Variants in SLC8A3 observed in about 807,000 individuals in gnomAD.
SLC8A3 encodes sodium/calcium exchanger 3.
In SLC8A3, 37 loss-of-function variants were observed where a neutral mutation model predicts 65.4. That is an observed-to-expected ratio of 0.57 (90% CI 0.44 to 0.74). SLC8A3 has a LOEUF of 0.74. Ranked by LOEUF, SLC8A3 falls within the 30% of genes least tolerant of loss-of-function variation. The pLI is 0.00. For missense variants in SLC8A3, 1,112 were observed against 1,172.1 expected (o/e 0.95, Z 0.75); for synonymous variants, 461 against 444.5 (o/e 1.04, Z -0.47).
At chr14:70,140,162 C>A (rs556569261) in intron 2 of SLC8A3, among the ~76,000 whole-genome samples, 2 of 152,270 alleles carry the variant, frequency 1.3e-5, no homozygotes, top group East Asian at 3.9e-4. Flanking sequence ...ATTCTGATGT[C>A]ATTAAGGTAT....
chr14:70,089,686 G>T (rs1209741563), intron 2 of SLC8A3, among the ~76,000 whole-genome samples: 3 of 151,774 alleles, frequency 2.0e-5, no homozygotes, highest in Non-Finnish European at 4.4e-5. Context: ...CTGTGTAGAT[G>T]ATGTGTTTAA....
intron 2 of SLC8A3, among the ~76,000 whole-genome samples, chr14:70,062,350 G>C (rs775527412): frequency 1.3e-5 from 2 of 152,102 alleles, no homozygotes; most frequent in Non-Finnish European, 2.9e-5. Context: ...ACATAAAAAC[G>C]TTTTGCTCAA....
At chr14:70,058,094 C>T (rs889117748) in intron 3 of SLC8A3, among the ~76,000 whole-genome samples, 3 of 152,212 alleles carry the variant, frequency 2.0e-5, no homozygotes, top group African/African-American at 7.2e-5. Flanking sequence ...TTAATCTCAA[C>T]TCTGAAGTCT....
At chr14:70,105,390 C>T (rs1285001709) in intron 2 of SLC8A3, among the ~76,000 whole-genome samples, 1 of 151,968 alleles carries the variant, frequency 6.6e-6, no homozygotes, top group Non-Finnish European at 1.5e-5. Context: ...AGCAAGACTT[C>T]TTTAAAAAAG....
rs766331637 is a variant in SLC8A3, at chr14:70,167,579, G to T, written c.844C>A (p.Pro282Thr). Reference protein sequence around the residue: ...GIIIETEGDHPKGIEMDGKMM... With the variant: ...GIIIETEGDHTKGIEMDGKMM... ...TTCCCATCCATCTCAATGCCCTTAG[G>T]GTGGTCACCCTCTGTCTCTATGATA... is the stretch of plus-strand genomic sequence containing the variant. The change falls in exon 2 of 7, where the codon CCT becomes ACT. Residue 282 changes from proline to threonine, a missense_variant. Physicochemically the swap from Pro to Thr is conservative, Grantham distance 38. Coordinates refer to ENST00000356921, the MANE Select transcript of SLC8A3 (RefSeq NM_182932.3). 1.9e-6 allele frequency: 3 copies of T among 1,614,032 alleles called. No individual in the cohort carries two copies. In the Admixed American group the frequency reaches 5.0e-5, roughly 27 times the overall value.
intron 1 of SLC8A3, among the ~76,000 whole-genome samples, chr14:70,173,839 G>A (rs1897700627): frequency 6.6e-6 from 1 of 152,214 alleles, no homozygotes; most frequent in African/African-American, 2.4e-5. Flanking sequence ...AGAGACACAG[G>A]AATGAAGCTC....
At chr14:70,153,626 CT>C (rs1192976419) in intron 2 of SLC8A3, among the ~76,000 whole-genome samples, 1 of 152,190 alleles carries the variant, frequency 6.6e-6, no homozygotes, top group Non-Finnish European at 1.5e-5. Flanking sequence ...GGGACTGTGC[CT>C]TTCTTCCCTG....
intron 2 of SLC8A3, among the ~76,000 whole-genome samples, chr14:70,143,705 G>A (rs575211266): frequency 6.6e-6 from 1 of 152,244 alleles, no homozygotes; most frequent in South Asian, 2.1e-4. Flanking sequence ...AGAATGGTTT[G>A]GTTGTGCACC....
intron 2 of SLC8A3, among the ~76,000 whole-genome samples, chr14:70,105,617 A>G (rs1026614895): frequency 6.6e-6 from 1 of 152,228 alleles, no homozygotes; most frequent in African/African-American, 2.4e-5. Context: ...CCCCCAAGGA[A>G]GCTCTAAGTC....
At chr14:70,071,652 C>A (rs1245620510) in intron 2 of SLC8A3, among the ~76,000 whole-genome samples, 1 of 152,174 alleles carries the variant, frequency 6.6e-6, no homozygotes, top group African/African-American at 2.4e-5. Context: ...TGGCCAACAC[C>A]TTGATTTCAG....
At chr14:70,064,156 T>C (rs561920240) in intron 2 of SLC8A3, among the ~76,000 whole-genome samples, 1 of 152,202 alleles carries the variant, frequency 6.6e-6, no homozygotes, top group Non-Finnish European at 1.5e-5. Flanking sequence ...ATTTGAAGAC[T>C]GAAAAGAAAG....
chr14:70,149,936 C>T (rs1896158954), intron 2 of SLC8A3, among the ~76,000 whole-genome samples: 1 of 152,208 alleles, frequency 6.6e-6, no homozygotes, highest in African/African-American at 2.4e-5. Context: ...TGTTCCCTGA[C>T]ATCATCAAAG....
intron 2 of SLC8A3, among the ~76,000 whole-genome samples, chr14:70,069,788 A>T (rs377508837): frequency 5.3e-5 from 8 of 152,214 alleles, no homozygotes; most frequent in East Asian, 3.8e-4. Context: ...CTTTAAAATA[A>T]GTGTGTCATC....
chr14:70,096,905 A>C (rs950032993), intron 2 of SLC8A3, among the ~76,000 whole-genome samples: 6 of 152,236 alleles, frequency 3.9e-5, no homozygotes, highest in Non-Finnish European at 5.9e-5. Context: ...AGAGATAAAC[A>C]AAGATAAACA....
At position 70,083,115 on chromosome 14, in the gene SLC8A3, A is replaced by C. The variant is rs576381746; in HGVS notation, c.1785-22176T>G. Among the ~76,000 whole-genome samples, 17 of 152,264 alleles carry C rather than the reference A, an allele frequency of 1.1e-4. No homozygotes were observed. In the South Asian group the frequency reaches 3.5e-3, roughly 32 times the overall value. On this transcript the variant is annotated intron_variant, in intron 2 of 6. Coordinates refer to ENST00000356921, the MANE Select transcript of SLC8A3 (RefSeq NM_182932.3). ...TTTAGGCTCCACATGATTAGTTTCT[A>C]CTGTTCCACTTTGGAGACTGACCTA...
chr14:70,050,390 TG>T lies in SLC8A3; in HGVS notation c.2113+617del, dbSNP rs565388232. Among the ~76,000 whole-genome samples the T allele has an allele frequency of 2.8e-4, 43 of 152,220 alleles. 1 individual carries two copies. In the South Asian group the frequency reaches 7.1e-3, roughly 25 times the overall value. ...AAAAGACAAGGCCAGGAGGCCTCAGTGGTGCTGAGAGGTGATAGTGATGGTG... is the reference window on the plus strand; with the variant it reads ...AAAAGACAAGGCCAGGAGGCCTCAGTGTGCTGAGAGGTGATAGTGATGGTG... On this transcript the variant is annotated intron_variant, in intron 5 of 6. Coordinates refer to ENST00000356921, the MANE Select transcript of SLC8A3 (RefSeq NM_182932.3).
intron 1 of SLC8A3, among the ~76,000 whole-genome samples, chr14:70,174,414 T>C (rs1897738617): frequency 6.6e-6 from 1 of 152,132 alleles, no homozygotes; most frequent in African/African-American, 2.4e-5. Context: ...AGATGATCGC[T>C]ATAGTTCCTT....
At chr14:70,128,578 A>G (rs1894629148) in intron 2 of SLC8A3, among the ~76,000 whole-genome samples, 1 of 152,182 alleles carries the variant, frequency 6.6e-6, no homozygotes. Flanking sequence ...CCATTCTCTT[A>G]GAGTGGTTGC....
At chr14:70,109,846 T>C (rs962678183) in intron 2 of SLC8A3, among the ~76,000 whole-genome samples, 1 of 152,172 alleles carries the variant, frequency 6.6e-6, no homozygotes, top group Non-Finnish European at 1.5e-5. Flanking sequence ...ATGACCTCTA[T>C]AATATCATGG....
Sources: allele counts gnomAD v4.1 joint callset (sites outside exome capture counted in the v4.1 genomes callset), GRCh38; gene constraint gnomAD v4.1.1; transcripts MANE v1.5; gene names NCBI Gene and HGNC (gene_info 2026-07-23, HGNC 2026-07-21).